GRM7: variants seen among roughly 807,000 people sequenced by gnomAD.
GRM7 encodes glutamate metabotropic receptor 7, also known as metabotropic glutamate receptor 7.
A neutral mutation model predicts 84.5 loss-of-function variants in GRM7; 35 were observed. The observed-to-expected ratio is 0.41, with a 90% CI of 0.32 to 0.55. GRM7 has a LOEUF of 0.55. Among genes scored for constraint, GRM7 ranks in the 20% least tolerant of loss-of-function variants. The pLI is 0.19. For missense variants in GRM7, 1,003 were observed against 1,194.6 expected, an observed-to-expected ratio of 0.84 and a Z score of 2.36; for synonymous variants, 487 against 455.1, an observed-to-expected ratio of 1.07 and a Z score of -0.89.
intron 4 of GRM7, among the ~76,000 whole-genome samples, chr3:7,373,566 C>T (rs371624668): frequency 2.0e-3 from 302 of 152,298 alleles, no homozygotes; most frequent in African/African-American, 7.0e-3. Context: ...TAAGCCCTTA[C>T]TTATTTCTCC....
intron 4 of GRM7, among the ~76,000 whole-genome samples, chr3:7,379,453 A>G (rs1387093022): frequency 1.3e-5 from 2 of 152,182 alleles, no homozygotes; most frequent in East Asian, 1.9e-4. Context: ...ATGTTTAATG[A>G]CTTGCCTAAG....
At chr3:7,252,656 CT>C (rs1054588927) in intron 2 of GRM7, among the ~76,000 whole-genome samples, 2 of 41,556 alleles carry the variant, frequency 4.8e-5, no homozygotes, top group African/African-American at 1.3e-4. Flanking sequence ...TAGCTTTTCT[CT>C]TTTCTATTTT....
In GRM7 at chr3:7,269,039, G is replaced by A. The variant is rs544924582; in HGVS notation, c.737-29645G>A. Among the ~76,000 whole-genome samples, 9 of 152,156 alleles carry A rather than the reference G, an allele frequency of 5.9e-5. No homozygotes were observed. In the South Asian group the frequency reaches 1.0e-3, roughly 18 times the overall value. ...CAAGAATAATTTCCCTTTGCTGTCCGTGATCTACAATTACAGAGTTATAAA... is the reference window on the plus strand; with the variant it reads ...CAAGAATAATTTCCCTTTGCTGTCCATGATCTACAATTACAGAGTTATAAA... On this transcript the variant is annotated intron_variant, in intron 2 of 9. Transcript: ENST00000357716.
chr3:6,932,751 C>CTTTTTT (rs35962540), intron 1 of GRM7, among the ~76,000 whole-genome samples: 3 of 93,812 alleles, frequency 3.2e-5, no homozygotes, highest in African/African-American at 4.7e-5. Flanking sequence ...TTCTTTCTCT[C>CTTTTTT]TTTTTTTTTT....
chr3:7,720,928 C>CCT (rs1450618513), intron 9 of GRM7, among the ~76,000 whole-genome samples: 1 of 152,176 alleles, frequency 6.6e-6, no homozygotes, highest in Non-Finnish European at 1.5e-5. Context: ...TGTTCCTTAA[C>CCT]CTCTCTTAGC....
intron 2 of GRM7, among the ~76,000 whole-genome samples, chr3:7,166,724 T>C (rs1277388036): frequency 6.6e-6 from 1 of 152,190 alleles, no homozygotes; most frequent in African/African-American, 2.4e-5. Context: ...TGCCGCTTGA[T>C]GGCACTGACA....
intron 5 of GRM7, among the ~76,000 whole-genome samples, chr3:7,420,955 G>C (rs1320814375): frequency 6.6e-6 from 1 of 152,008 alleles, no homozygotes; most frequent in Non-Finnish European, 1.5e-5. Flanking sequence ...CATTGTTTTT[G>C]GGACACCTCT....
At chr3:7,043,789 T>C (rs1696711007) in intron 1 of GRM7, among the ~76,000 whole-genome samples, 2 of 152,202 alleles carry the variant, frequency 1.3e-5, no homozygotes, top group Non-Finnish European at 2.9e-5. Flanking sequence ...ACATCCCCTC[T>C]TCAGTAGTTC....
chr3:7,620,246 A>G (rs1697293602), intron 8 of GRM7, among the ~76,000 whole-genome samples: 1 of 152,186 alleles, frequency 6.6e-6, no homozygotes, highest in South Asian at 2.1e-4. Context: ...AGTGTAAAAT[A>G]TGCACTATTT....
chr3:7,310,267 T>A (rs1447721596), intron 4 of GRM7, among the ~76,000 whole-genome samples: 1 of 144,182 alleles, frequency 6.9e-6, no homozygotes, highest in Non-Finnish European at 1.5e-5. Context: ...GATTTTCAAA[T>A]GGGACTGTAG....
chr3:7,588,316 G>T lies in GRM7; in HGVS notation c.2451+8959G>T, dbSNP rs370500156. Among the ~76,000 whole-genome samples the T allele has an allele frequency of 1.2e-4, 19 of 152,256 alleles. No homozygotes were observed. In the East Asian group the frequency reaches 3.1e-3, roughly 25 times the overall value. On this transcript the variant is annotated intron_variant, in intron 8 of 9. Transcript: ENST00000357716. ...TAAGAGTTCAGGGCACATGCCACCT[G>T]CTGTGGAGTTATGCATCTTCAGATG... is the stretch of plus-strand genomic sequence containing the variant.
At chr3:7,472,826 T>C (rs1003697725) in intron 7 of GRM7, among the ~76,000 whole-genome samples, 5 of 152,232 alleles carry the variant, frequency 3.3e-5, no homozygotes, top group African/African-American at 1.2e-4. Flanking sequence ...CTAATGTTTT[T>C]CAATCCCCCT....
intron 2 of GRM7, among the ~76,000 whole-genome samples, chr3:7,200,136 C>G (rs961502479): frequency 6.6e-6 from 1 of 152,104 alleles, no homozygotes; most frequent in Non-Finnish European, 1.5e-5. Context: ...TTCTTTTTAA[C>G]GACATGCTCT....
chr3:7,300,302 C>G (rs973253432), intron 3 of GRM7, among the ~76,000 whole-genome samples: 1 of 152,194 alleles, frequency 6.6e-6, no homozygotes, highest in South Asian at 2.1e-4. Flanking sequence ...TCTTTCCCTG[C>G]TTTGTGTATC....
At chr3:6,930,225 T>C (rs1027380273) in intron 1 of GRM7, among the ~76,000 whole-genome samples, 6 of 152,142 alleles carry the variant, frequency 3.9e-5, no homozygotes, top group Non-Finnish European at 8.8e-5. Flanking sequence ...AGAGATAATA[T>C]ATGTGAAAAG....
At chr3:7,189,329 G>A (rs1181292385) in intron 2 of GRM7, among the ~76,000 whole-genome samples, 1 of 151,994 alleles carries the variant, frequency 6.6e-6, no homozygotes, top group Non-Finnish European at 1.5e-5. Flanking sequence ...ACAATTCCTG[G>A]GTCTCCTATC....
chr3:7,532,624 G>T (rs1331531258), intron 7 of GRM7, among the ~76,000 whole-genome samples: 1 of 151,642 alleles, frequency 6.6e-6, no homozygotes, highest in African/African-American at 2.4e-5. Flanking sequence ...ATCTCCTTCA[G>T]TTCTGCTCTG....
rs1699025609 is a variant in GRM7, at chr3:7,099,646, G to GTATATGTACACGCATTATACATGTA, written c.520-46806_520-46805insTATATGTACACGCATTATACATGTA. ...GTATATGTACACGCATTATACATGT[G>GTATATGTACACGCATTATACATGTA]CACATATATGTATATGTACACGCAT... On this transcript the variant is annotated intron_variant, in intron 1 of 9. Transcript: ENST00000357716. Among the ~76,000 whole-genome samples the GTATATGTACACGCATTATACATGTA allele has an allele frequency of 7.3e-5, 5 of 68,138 alleles. No individual in the cohort carries two copies. In the African/African-American group the frequency reaches 7.6e-4, roughly 10 times the overall value. The allele number at this position is 68,138 out of a possible 152,430, so 44.7% of individuals were successfully genotyped here.
At chr3:7,109,522 G>A (rs954943738) in intron 1 of GRM7, among the ~76,000 whole-genome samples, 1 of 152,098 alleles carries the variant, frequency 6.6e-6, no homozygotes, top group African/African-American at 2.4e-5. Flanking sequence ...TGCAGGAAAA[G>A]TAATCATTGC....
Sources: allele counts gnomAD v4.1 joint callset (sites outside exome capture counted in the v4.1 genomes callset), GRCh38; gene constraint gnomAD v4.1.1; transcripts MANE v1.5; gene names NCBI Gene and HGNC (gene_info 2026-07-23, HGNC 2026-07-21).